Variants in EYA1 observed in about 807,000 individuals in gnomAD.
The protein encoded by EYA1 is protein phosphatase EYA1.
In EYA1, 16 loss-of-function variants were observed where a neutral mutation model predicts 82.0. The ratio of observed to expected loss-of-function variants is 0.20; its 90% confidence interval spans 0.13 to 0.30. The LOEUF (loss-of-function observed/expected upper bound fraction) is 0.30. EYA1 is among the 10% of genes least tolerant of loss of function. The pLI is 1.00. For synonymous variants in EYA1, 261 were observed against 264.4 expected (o/e 0.99, Z 0.12); for missense variants, 633 against 730.7 (o/e 0.87, Z 1.54).
At chr8:71,237,593 T>C (rs534579050) in intron 12 of EYA1, among the ~76,000 whole-genome samples, 18 of 152,100 alleles carry the variant, frequency 1.2e-4, no homozygotes, top group Admixed American at 3.9e-4. Context: ...AATAAAAAAA[T>C]AATAAAACCA....
intron 2 of EYA1, among the ~76,000 whole-genome samples, chr8:71,401,853 A>G (rs1829976319): frequency 6.6e-6 from 1 of 152,210 alleles, no homozygotes; most frequent in African/African-American, 2.4e-5. Flanking sequence ...TAAATGAATT[A>G]TAGTTTTTCT....
At chr8:71,260,358 A>G (rs1247689681) in intron 11 of EYA1, among the ~76,000 whole-genome samples, 6 of 152,210 alleles carry the variant, frequency 3.9e-5, no homozygotes, top group East Asian at 1.9e-4. Flanking sequence ...AAAAATAAAA[A>G]GGAAAGGGAA....
intron 2 of EYA1, among the ~76,000 whole-genome samples, chr8:71,368,490 A>T (rs1223459964): frequency 6.6e-6 from 1 of 152,054 alleles, no homozygotes; most frequent in Non-Finnish European, 1.5e-5. Context: ...CAGGACAAAA[A>T]CAAAAGCAAA....
intron 1 of EYA1, among the ~76,000 whole-genome samples, chr8:71,542,387 TG>T (rs1815210185): frequency 2.0e-5 from 3 of 152,190 alleles, no homozygotes; most frequent in Admixed American, 1.3e-4. Context: ...TTGCAAAGGA[TG>T]TGACCTTATT....
chr8:71,309,333 C>A, intron 7 of EYA1, among the ~76,000 whole-genome samples: 1 of 145,412 alleles, frequency 6.9e-6, no homozygotes, highest in Admixed American at 6.9e-5. Context: ...AGAAGTGAAA[C>A]AAAATATTAC....
chr8:71,199,544 T>C (rs1407984324), intron 17 of EYA1, 124 bp from the exon 18 acceptor site: 4 of 704,648 alleles, frequency 5.7e-6, no homozygotes, highest in Middle Eastern at 2.3e-4. Flanking sequence ...AGCTAACATC[T>C]TAACATCACA....
At chr8:71,234,627 A>T (rs1363765948) in intron 12 of EYA1, among the ~76,000 whole-genome samples, 1 of 151,740 alleles carries the variant, frequency 6.6e-6, no homozygotes, top group East Asian at 1.9e-4. Context: ...AATTCTCTCT[A>T]CCATACAATT....
At chr8:71,470,657 C>T (rs1809117852) in intron 2 of EYA1, among the ~76,000 whole-genome samples, 1 of 151,840 alleles carries the variant, frequency 6.6e-6, no homozygotes, top group African/African-American at 2.4e-5. Context: ...ATAAAAGAAA[C>T]ATTAATCTGA....
In EYA1 at chr8:71,244,710, C is replaced by G. The variant is rs770081035; in HGVS notation, c.1051-18G>C. On this transcript the variant is annotated intron_variant, in intron 11 of 17. Coordinates refer to ENST00000340726, the MANE Select transcript of EYA1 (RefSeq NM_000503.6). ...GGTGGATCCTAAAATAAGAATATGA[C>G]AGGTGAAGAACATGTATACTTCAGG... is the stretch of plus-strand genomic sequence containing the variant. 7.0e-7 allele frequency: 1 copy of G among 1,434,266 alleles called. No homozygotes were observed. Among genetic ancestry groups the G allele is most frequent in the Non-Finnish European group, 9.8e-7 (1 of 1,017,282 alleles). 88.8% of individuals were successfully genotyped at this position (1,434,266 alleles called of 1,614,324 possible).
chr8:71,347,727 G>C (rs142937173), intron 3 of EYA1, among the ~76,000 whole-genome samples: 29 of 152,110 alleles, frequency 1.9e-4, no homozygotes, highest in Admixed American at 5.9e-4. Flanking sequence ...TAAATACAAT[G>C]ATGAAATGGG....
In EYA1 at chr8:71,539,191, T is replaced by G. The variant is rs370361575; in HGVS notation, c.-72-3343A>C. 2.0e-4 allele frequency among the ~76,000 whole-genome samples: 30 copies of G among 150,916 alleles called. 1 individual carries two copies. In the East Asian group the frequency reaches 2.8e-3, roughly 14 times the overall value. ...ATAGAGGAAAAGCCTCTTCCTGAAATGTACTGCATCAACTCCTTAAGTAGA... is the reference window on the plus strand; with the variant it reads ...ATAGAGGAAAAGCCTCTTCCTGAAAGGTACTGCATCAACTCCTTAAGTAGA... On this transcript the variant is annotated intron_variant, in intron 1 of 18. Coordinates refer to the EYA1 transcript ENST00000643681.
At chr8:71,295,097 CAG>C (rs1819457570) in intron 9 of EYA1, among the ~76,000 whole-genome samples, 1 of 152,112 alleles carries the variant, frequency 6.6e-6, no homozygotes, top group African/African-American at 2.4e-5. Context: ...CAAAATGTGT[CAG>C]AGAACTAGAT....
At chr8:71,388,539 C>T (rs991163346) in intron 2 of EYA1, among the ~76,000 whole-genome samples, 9 of 152,156 alleles carry the variant, frequency 5.9e-5, no homozygotes, top group Admixed American at 5.2e-4. Context: ...GATCCGAGGA[C>T]CTTTCTGGAA....
intron 1 of EYA1, among the ~76,000 whole-genome samples, chr8:71,360,267 G>T (rs896752309): frequency 1.3e-5 from 2 of 152,126 alleles, no homozygotes; most frequent in African/African-American, 2.4e-5. Context: ...TAGCTTTAAA[G>T]GATTGTTTTC....
intron 2 of EYA1, among the ~76,000 whole-genome samples, chr8:71,530,694 T>C (rs1814195356): frequency 6.6e-6 from 1 of 152,210 alleles, no homozygotes; most frequent in South Asian, 2.1e-4. Context: ...AAAAAATAAA[T>C]AATTAATTTT....
chr8:71,347,066 A>G (rs58527968), intron 3 of EYA1, among the ~76,000 whole-genome samples: 3,230 of 152,274 alleles, frequency 0.021, 116 homozygotes, highest in African/African-American at 0.072. Context: ...CTTGGCCACA[A>G]TCTTAGATAA....
In EYA1 at chr8:71,211,204, C is replaced by A. The variant is rs368320173; in HGVS notation, c.1650G>T (p.Val550=). The part of the protein sequence containing the change: ...RIIQRFGRKV[V]YVVIGDGVEE... ...CTACACCATCTCCTATAACAACATA[C>A]ACCACTTTTCTTCCAAACCTTTGAA... The change falls in exon 17 of 18, where the codon GTG becomes GTT. Residue 550 remains valine, a synonymous_variant. Coordinates refer to ENST00000340726, the MANE Select transcript of EYA1 (RefSeq NM_000503.6). 2 of 1,613,622 alleles carry A rather than the reference C, an allele frequency of 1.2e-6. No individual in the cohort carries two copies. Among genetic ancestry groups the A allele is most frequent in the Non-Finnish European group, 1.7e-6 (2 of 1,179,720 alleles).
intron 2 of EYA1, among the ~76,000 whole-genome samples, chr8:71,530,184 G>A (rs1386594480): frequency 1.3e-5 from 2 of 152,134 alleles, no homozygotes; most frequent in Non-Finnish European, 2.9e-5. Context: ...AGAAGGAGGG[G>A]CACAGATGTA....
intron 2 of EYA1, among the ~76,000 whole-genome samples, chr8:71,442,802 A>G (rs1806529050): frequency 6.6e-6 from 1 of 152,222 alleles, no homozygotes; most frequent in South Asian, 2.1e-4. Context: ...GTTAATACAC[A>G]CAGTGGGAAC....
Sources: allele counts gnomAD v4.1 joint callset (sites outside exome capture counted in the v4.1 genomes callset), GRCh38; gene constraint gnomAD v4.1.1; transcripts MANE v1.5; gene names NCBI Gene and HGNC (gene_info 2026-07-23, HGNC 2026-07-21).